Variants in MOB3B observed in about 807,000 individuals in gnomAD.
MOB3B encodes MOB kinase activator 3B.
A neutral mutation model predicts 18.7 loss-of-function variants in MOB3B; 7 were observed. The observed-to-expected ratio is 0.37, with a 90% CI of 0.21 to 0.70. The LOEUF is 0.70. Among genes scored for constraint, MOB3B ranks in the 30% least tolerant of loss-of-function variants. MOB3B has a pLI of 0.52. For synonymous variants in MOB3B, 111 were observed against 99.9 expected (o/e 1.11, Z -0.66); for missense variants, 253 against 281.3 (o/e 0.90, Z 0.72).
chr9:27,510,265 A>C (rs1820123354), intron 1 of MOB3B, among the ~76,000 whole-genome samples: 1 of 152,260 alleles, frequency 6.6e-6, no homozygotes, highest in Admixed American at 6.5e-5. Flanking sequence ...GTTTTGTTTA[A>C]AATCAGAGAA....
At chr9:27,426,523 G>A (rs1822334209) in intron 2 of MOB3B, among the ~76,000 whole-genome samples, 1 of 152,156 alleles carries the variant, frequency 6.6e-6, no homozygotes, top group Non-Finnish European at 1.5e-5. Flanking sequence ...TTTTGTTTGG[G>A]CACACAATGC....
intron 1 of MOB3B, among the ~76,000 whole-genome samples, chr9:27,459,224 C>A (rs2131454354): frequency 6.6e-6 from 1 of 151,912 alleles, no homozygotes; most frequent in East Asian, 1.9e-4. Context: ...CTTGGGACCC[C>A]TGCCCATAAT....
intron 1 of MOB3B, among the ~76,000 whole-genome samples, chr9:27,511,568 T>C (rs1055050626): frequency 6.6e-6 from 1 of 152,206 alleles, no homozygotes; most frequent in Non-Finnish European, 1.5e-5. Flanking sequence ...CCAAATAGAT[T>C]TCTTCCAAGG....
At chr9:27,390,165 C>A (rs563991251) in intron 2 of MOB3B, among the ~76,000 whole-genome samples, 1 of 151,948 alleles carries the variant, frequency 6.6e-6, no homozygotes, top group Non-Finnish European at 1.5e-5. Context: ...GCAACCTCCG[C>A]CTACCTCCGC....
chr9:27,330,736 G>T, intron 3 of MOB3B, 120 bp from the exon 4 acceptor site: 20 of 1,439,344 alleles, frequency 1.4e-5, no homozygotes, highest in Non-Finnish European at 1.9e-5. Flanking sequence ...TTGCAAGCAT[G>T]GTCCATGAAT....
chr9:27,464,058 G>C (rs1014394905), intron 1 of MOB3B, among the ~76,000 whole-genome samples: 1 of 152,220 alleles, frequency 6.6e-6, no homozygotes, highest in Admixed American at 6.5e-5. Flanking sequence ...GCCAGTGAAA[G>C]TGCTTCACAA....
chr9:27,381,194 G>A (rs1038772949), intron 2 of MOB3B, among the ~76,000 whole-genome samples: 2 of 152,080 alleles, frequency 1.3e-5, no homozygotes, highest in Admixed American at 6.5e-5. Context: ...TTAAGTTCTC[G>A]GTAGAATTAC....
At chr9:27,393,040 T>C (rs1226725984) in intron 2 of MOB3B, among the ~76,000 whole-genome samples, 4 of 152,230 alleles carry the variant, frequency 2.6e-5, no homozygotes, top group Non-Finnish European at 5.9e-5. Flanking sequence ...CCTAGCATTT[T>C]ATTTTTAGCT....
In MOB3B at chr9:27,524,473, G is replaced by C. The variant is rs1820396954; in HGVS notation, c.-199+5082C>G. The C allele has an allele frequency of 2.5e-6, 4 of 1,614,070 alleles. 1 individual carries two copies. The East Asian group carries it at 8.9e-5, about 36-fold the overall frequency. On this transcript the variant is annotated intron_variant, in intron 1 of 3. Coordinates refer to ENST00000262244, the MANE Select transcript of MOB3B (RefSeq NM_024761.5). ...AGAAGAGTCACCTGGCAAAATCTGA[G>C]ACATCTGAGTAGTATGAGCAATTCA...
At chr9:27,467,588 G>A (rs561325365) in intron 1 of MOB3B, among the ~76,000 whole-genome samples, 1 of 152,260 alleles carries the variant, frequency 6.6e-6, no homozygotes, top group Non-Finnish European at 1.5e-5. Context: ...GGATGAGGAA[G>A]AATTTTCCCT....
At position 27,455,483 on chromosome 9, in the gene MOB3B, G is replaced by C. The variant is rs1221388542; in HGVS notation, c.68C>G (p.Pro23Arg). Residue 23 changes from proline (P) to arginine (R), a missense_variant, in exon 2 of 4, where the codon CCT (proline) becomes CGT (arginine). Physicochemically the swap from Pro to Arg is moderately radical, Grantham distance 103. Transcript: ENST00000262244. ...GTGCAGCTCAAACCTCTGTGTGCCA[G>C]GTTCAAATTTCCTCTTGGGTCGGAA... Reference protein sequence around the residue: ...KTFRPKRKFEPGTQRFELHKR... With the variant: ...KTFRPKRKFERGTQRFELHKR... 1.2e-6 allele frequency: 2 copies of C among 1,614,080 alleles called. No individual in the cohort carries two copies. The highest frequency in any genetic ancestry group is 1.7e-6 in the Non-Finnish European group (2 of 1,180,038).
Position 27,405,093 on chromosome 9 carries a change from C to CT in MOB3B, c.419-45858dup, listed in dbSNP as rs74178386. Among the ~76,000 whole-genome samples, 92 of 48,416 alleles carry CT rather than the reference C, an allele frequency of 1.9e-3. 16 individuals are homozygous for CT. Among genetic ancestry groups the CT allele is most frequent in the African/African-American group, 3.0e-3 (34 of 11,332 alleles). 31.8% of individuals were successfully genotyped at this position (48,416 alleles called of 152,430 possible). A position where few individuals can be genotyped will look rare whatever the true frequency, so the allele number is the denominator to read the frequency against. ...AGAAATATCTATTCAGAACCTTTGT[C>CT]TTTTTTTTTTTTTTTTTTTTTTTTT... On this transcript the variant is annotated intron_variant, in intron 2 of 3. Coordinates refer to ENST00000262244, the MANE Select transcript of MOB3B (RefSeq NM_024761.5).
chr9:27,446,416 A>G (rs1384395621), intron 2 of MOB3B, among the ~76,000 whole-genome samples: 5 of 152,198 alleles, frequency 3.3e-5, no homozygotes, highest in African/African-American at 7.2e-5. Context: ...AATGCCTTCT[A>G]AAGTTCTATT....
At chr9:27,343,054 G>A (rs1177215982) in intron 3 of MOB3B, among the ~76,000 whole-genome samples, 2 of 151,954 alleles carry the variant, frequency 1.3e-5, no homozygotes, top group African/African-American at 4.8e-5. Flanking sequence ...GGGAAATGTG[G>A]GGAAAAGAGA....
chr9:27,477,778 A>G (rs958966791), intron 1 of MOB3B, among the ~76,000 whole-genome samples: 7 of 152,248 alleles, frequency 4.6e-5, no homozygotes, highest in Admixed American at 2.0e-4. Flanking sequence ...AATAAGAATG[A>G]GAGCAAATAC....
At chr9:27,353,668 G>A (rs1435521673) in intron 3 of MOB3B, among the ~76,000 whole-genome samples, 1 of 152,090 alleles carries the variant, frequency 6.6e-6, no homozygotes, top group South Asian at 2.1e-4. Flanking sequence ...GTCCCCTCCT[G>A]TCTGTCCTCC....
At chr9:27,396,003 G>C (rs1229513724) in intron 2 of MOB3B, among the ~76,000 whole-genome samples, 1 of 152,100 alleles carries the variant, frequency 6.6e-6, no homozygotes, top group Non-Finnish European at 1.5e-5. Context: ...TGAGGACGGG[G>C]GTTATGTTAC....
chr9:27,494,673 C>A (rs907745211), intron 1 of MOB3B, among the ~76,000 whole-genome samples: 14 of 152,230 alleles, frequency 9.2e-5, no homozygotes, highest in African/African-American at 2.6e-4. Flanking sequence ...CACCACCAAA[C>A]CTGGCTAATT....
At chr9:27,338,905 A>G (rs1820901617) in intron 3 of MOB3B, among the ~76,000 whole-genome samples, 1 of 152,222 alleles carries the variant, frequency 6.6e-6, no homozygotes, top group Non-Finnish European at 1.5e-5. Context: ...TAACTCCACA[A>G]GTGGGGCCTC....
Sources: gnomAD v4.1 joint callset for allele counts (sites outside exome capture counted in the v4.1 genomes callset) on GRCh38, gnomAD v4.1.1 for gene constraint, MANE v1.5 for transcripts, NCBI Gene and HGNC (gene_info 2026-07-23, HGNC 2026-07-21) for gene names.